The following PDE8B variants were observed in gnomAD, a reference collection of about 807,000 sequenced individuals.
The protein encoded by PDE8B is high affinity cAMP-specific and IBMX-insensitive 3',5'-cyclic phosphodiesterase 8B.
A neutral mutation model predicts 101.3 loss-of-function variants in PDE8B; 26 were observed. The observed-to-expected ratio is 0.26, with a 90% CI of 0.19 to 0.36. The LOEUF (loss-of-function observed/expected upper bound fraction) is 0.36, where lower values mean the gene tolerates loss of function less well. PDE8B is among the 10% of genes least tolerant of loss of function. The pLI, the probability that PDE8B is intolerant of heterozygous loss-of-function variation, is 1.00. For synonymous variants in PDE8B, 424 were observed against 429.3 expected (o/e 0.99, Z 0.15); for missense variants, 810 against 1,163.1 (o/e 0.70, Z 4.42).
At chr5:77,367,121 A>G (rs1241859161) in intron 10 of PDE8B, among the ~76,000 whole-genome samples, 3 of 152,088 alleles carry the variant, frequency 2.0e-5, no homozygotes, top group Non-Finnish European at 4.4e-5. Context: ...AAACTTAGAA[A>G]GAGGAGGGTA....
chr5:77,214,843 T>C (rs558494343), intron 1 of PDE8B, among the ~76,000 whole-genome samples: 74 of 152,206 alleles, frequency 4.9e-4, no homozygotes, highest in African/African-American at 1.7e-3. Flanking sequence ...GCCTGAGAAT[T>C]TGAATTTCTA....
At chr5:77,316,453 C>T (rs561439856) in intron 2 of PDE8B, among the ~76,000 whole-genome samples, 60 of 152,240 alleles carry the variant, frequency 3.9e-4, no homozygotes, top group African/African-American at 1.2e-3. Context: ...AGGCTGGTCT[C>T]GAACTTCTGA....
chr5:77,219,205 G>C (rs1009359311), intron 1 of PDE8B, among the ~76,000 whole-genome samples: 1 of 152,186 alleles, frequency 6.6e-6, no homozygotes, highest in African/African-American at 2.4e-5. Context: ...ATTGCTCTTA[G>C]AAGCATTTTG....
Position 77,211,368 on chromosome 5 carries a change from G to A in PDE8B, c.339+104G>A, listed in dbSNP as rs1175931542. On this transcript the variant is annotated intron_variant, in intron 1 of 21. Transcript: ENST00000264917. This position sits in a 1 kb window ranked among gnomAD's most constrained non-coding sequence, Gnocchi z 4.1. ...GGAGTTGGGTGACCGTGAGGCGGTT[G>A]GTTTGGAGAGGTTGTCACTAAGGAG... 3.0e-6 allele frequency: 3 copies of A among 1,012,642 alleles called. No homozygotes were observed. The highest frequency in any genetic ancestry group is 4.2e-6 in the Non-Finnish European group (3 of 708,880). The allele number at this position is 1,012,642 out of a possible 1,614,324, so 62.7% of individuals were successfully genotyped here.
At chr5:77,091,303 A>G in the PDE8B span, among the ~76,000 whole-genome samples, 1 of 152,248 alleles carries the variant, frequency 6.6e-6, no homozygotes, top group Non-Finnish European at 1.5e-5. Context: ...CCATAAATAC[A>G]TACAAATATT....
chr5:77,395,113 C>T (rs1379681643), intron 10 of PDE8B, among the ~76,000 whole-genome samples: 1 of 151,928 alleles, frequency 6.6e-6, no homozygotes, highest in Non-Finnish European at 1.5e-5. Flanking sequence ...TATCAATTTC[C>T]AATTCATTCA....
rs1194972466 is a variant in PDE8B at position 77,408,924 on chromosome 5, A to G, written c.1397A>G (p.Asn466Ser). 4 of 1,613,686 alleles carry G rather than the reference A, an allele frequency of 2.5e-6. No individual in the cohort carries two copies. Among genetic ancestry groups the G allele is most frequent in the Non-Finnish European group, 3.4e-6 (4 of 1,179,562 alleles). Residue 466 changes from asparagine to serine, a missense_variant, in exon 14 of 22, where the codon AAC becomes AGC. Asn to Ser is a conservative substitution (Grantham distance 46, BLOSUM62 1). Coordinates refer to ENST00000264917, the MANE Select transcript of PDE8B (RefSeq NM_003719.5). Reference sequence around the variant, plus strand: ...AATATAATCAATGCAGCCCAAGAAAACAGCCCAGTCACAGTAGCGGAAGCC... The same window carrying G: ...AATATAATCAATGCAGCCCAAGAAAGCAGCCCAGTCACAGTAGCGGAAGCC... Reference protein sequence around the residue: ...VINIINAAQENSPVTVAEALD... With the variant: ...VINIINAAQESSPVTVAEALD...
intron 1 of PDE8B, among the ~76,000 whole-genome samples, chr5:77,267,018 T>C (rs1475757666): frequency 6.6e-6 from 1 of 152,238 alleles, no homozygotes; most frequent in Non-Finnish European, 1.5e-5. Context: ...ATGTTAACAA[T>C]AGAATTTGAT....
At chr5:77,166,112 G>A in the PDE8B span, among the ~76,000 whole-genome samples, 1 of 151,184 alleles carries the variant, frequency 6.6e-6, no homozygotes, top group African/African-American at 2.4e-5. Flanking sequence ...AGGTTGAGGA[G>A]AAGCAGAAGA....
At chr5:77,330,491 C>A (rs560890756) in intron 4 of PDE8B, among the ~76,000 whole-genome samples, 3 of 152,120 alleles carry the variant, frequency 2.0e-5, no homozygotes, top group Non-Finnish European at 4.4e-5. Flanking sequence ...ACCCTTGGAA[C>A]CCTTTTTGTG....
chr5:77,349,375 G>C (rs1780689502), intron 7 of PDE8B, 44 bp from the exon 8 acceptor site: 4 of 1,612,612 alleles, frequency 2.5e-6, no homozygotes, highest in South Asian at 1.1e-5. Context: ...CATGAATTCT[G>C]TCTTGTGTCC....
intron 6 of PDE8B, among the ~76,000 whole-genome samples, chr5:77,340,510 A>T (rs980940306): frequency 4.0e-5 from 6 of 151,082 alleles, no homozygotes; most frequent in Non-Finnish European, 8.8e-5. Flanking sequence ...CTCATCCCAG[A>T]CTCCTGCTGG....
At chr5:77,213,491 A>G (rs987240083) in intron 1 of PDE8B, among the ~76,000 whole-genome samples, 18 of 152,208 alleles carry the variant, frequency 1.2e-4, no homozygotes, top group African/African-American at 4.3e-4. Context: ...TCTCAATCGT[A>G]AAGTTCACAT....
intron 6 of PDE8B, among the ~76,000 whole-genome samples, chr5:77,344,158 T>C (rs1248933729): frequency 1.3e-5 from 2 of 152,240 alleles, no homozygotes; most frequent in Admixed American, 1.3e-4. Flanking sequence ...TGATAAATAG[T>C]ATAGCAAATA....
At chr5:77,317,388 G>A (rs1324708906) in intron 2 of PDE8B, among the ~76,000 whole-genome samples, 1 of 152,188 alleles carries the variant, frequency 6.6e-6, no homozygotes, top group Non-Finnish European at 1.5e-5. Flanking sequence ...TTTCAGGATA[G>A]AGTTGCTTTT....
chr5:77,278,589 C>T (rs899558419), intron 1 of PDE8B, among the ~76,000 whole-genome samples: 2 of 152,146 alleles, frequency 1.3e-5, no homozygotes, highest in East Asian at 1.9e-4. Context: ...CCTGTCTCAG[C>T]CTCCCGAGTA....
At chr5:77,264,005 T>C (rs1761158087) in intron 1 of PDE8B, among the ~76,000 whole-genome samples, 1 of 152,206 alleles carries the variant, frequency 6.6e-6, no homozygotes, top group Non-Finnish European at 1.5e-5. Flanking sequence ...TTGCCTATTC[T>C]GGACATTTCA....
chr5:77,258,276 C>G (rs557868802), intron 1 of PDE8B, among the ~76,000 whole-genome samples: 1 of 112,672 alleles, frequency 8.9e-6, no homozygotes, highest in African/African-American at 3.6e-5. Flanking sequence ...GTGACAAAAG[C>G]GAGACTCCAT....
upstream of PDE8B, among the ~76,000 whole-genome samples, chr5:77,208,574 C>T (rs1295957300): frequency 6.6e-6 from 1 of 152,166 alleles, no homozygotes; most frequent in African/African-American, 2.4e-5. Context: ...TGACTGTCCC[C>T]ATATCTCAGT....
Sources: allele counts gnomAD v4.1 joint callset (sites outside exome capture counted in the v4.1 genomes callset), GRCh38; gene constraint gnomAD v4.1.1; non-coding constraint Gnocchi (gnomAD v3.1); transcripts MANE v1.5; gene names NCBI Gene and HGNC (gene_info 2026-07-23, HGNC 2026-07-21).